Variants in BRINP2 observed in about 807,000 individuals in gnomAD.
The protein encoded by BRINP2 is BMP/retinoic acid inducible neural specific 2, also known as BMP/retinoic acid-inducible neural-specific protein 2.
A neutral mutation model predicts 69.2 loss-of-function variants in BRINP2; 21 were observed. The observed-to-expected ratio is 0.30, with a 90% CI of 0.22 to 0.44. The LOEUF is 0.44. BRINP2 is among the 20% of genes least tolerant of loss of function. The pLI is 1.00. For missense variants in BRINP2, 877 were observed against 986.0 expected (o/e 0.89, Z 1.48); for synonymous variants, 380 against 394.1 (o/e 0.96, Z 0.42).
chr1:177,253,999 G>C (rs1435976955), intron 2 of BRINP2, among the ~76,000 whole-genome samples: 1 of 152,030 alleles, frequency 6.6e-6, no homozygotes, highest in Non-Finnish European at 1.5e-5. Flanking sequence ...AGTGGAGCTG[G>C]TTCTTACCAG....
At chr1:177,179,993 T>C (rs1411022749) in intron 1 of BRINP2, among the ~76,000 whole-genome samples, 1 of 152,156 alleles carries the variant, frequency 6.6e-6, no homozygotes, top group Non-Finnish European at 1.5e-5. Flanking sequence ...ATCTATACCT[T>C]CTGAATGAAT....
chr1:177,271,408 T>C (rs769483351), intron 4 of BRINP2, among the ~76,000 whole-genome samples: 6 of 152,214 alleles, frequency 3.9e-5, no homozygotes, highest in Non-Finnish European at 7.3e-5. Context: ...AGTGATGGCA[T>C]GTAAAGGGTT....
intron 7 of BRINP2, among the ~76,000 whole-genome samples, chr1:177,279,246 G>A (rs981481538): frequency 1.3e-5 from 2 of 152,154 alleles, no homozygotes; most frequent in East Asian, 3.8e-4. Flanking sequence ...GTATCCACTT[G>A]TTCATCCACT....
chr1:177,237,458 T>C (rs765132940), intron 2 of BRINP2, among the ~76,000 whole-genome samples: 8 of 152,216 alleles, frequency 5.3e-5, no homozygotes, highest in African/African-American at 1.4e-4. Context: ...GAATGAATTC[T>C]TAGGATGCCA....
intron 4 of BRINP2, among the ~76,000 whole-genome samples, chr1:177,269,104 C>T (rs889734303): frequency 3.9e-5 from 6 of 152,206 alleles, no homozygotes; most frequent in Non-Finnish European, 5.9e-5. Flanking sequence ...TACTCCTCCC[C>T]TGCAGCCCCC....
chr1:177,188,015 T>A (rs1296553265), intron 1 of BRINP2, among the ~76,000 whole-genome samples: 1 of 152,216 alleles, frequency 6.6e-6, no homozygotes. Flanking sequence ...TCAATAGAGA[T>A]AATATCTATC....
intron 1 of BRINP2, among the ~76,000 whole-genome samples, chr1:177,188,724 G>A (rs1472495699): frequency 6.6e-6 from 1 of 152,042 alleles, no homozygotes. Flanking sequence ...TAGGCTTCTT[G>A]AGAGCTGAGA....
intron 4 of BRINP2, among the ~76,000 whole-genome samples, chr1:177,266,746 G>A (rs1651138179): frequency 6.9e-6 from 1 of 144,504 alleles, no homozygotes; most frequent in Admixed American, 6.9e-5. Context: ...GGGAACAGTG[G>A]GAGACTCACT....
intron 1 of BRINP2, among the ~76,000 whole-genome samples, chr1:177,207,195 T>C (rs1649090604): frequency 6.6e-6 from 1 of 152,150 alleles, no homozygotes; most frequent in Admixed American, 6.5e-5. Flanking sequence ...GGTTATTGAT[T>C]TACTAATGGC....
intron 4 of BRINP2, among the ~76,000 whole-genome samples, chr1:177,263,395 C>T (rs1277667512): frequency 6.6e-6 from 1 of 152,126 alleles, no homozygotes; most frequent in African/African-American, 2.4e-5. Context: ...GTGGTTCTGG[C>T]TTCAAAGGAG....
In BRINP2 at chr1:177,171,042, C is replaced by A. The variant is rs1225621607; in HGVS notation, c.-767C>A. Among the ~76,000 whole-genome samples, 1 of 152,248 alleles carries A rather than the reference C, an allele frequency of 6.6e-6. No homozygotes were observed. The highest frequency in any genetic ancestry group is 1.5e-5 in the Non-Finnish European group (1 of 68,040). ...GCTGCAGCTCTGGGATGCAATCCGC[C>A]TGCCTCGCAAGCTGCTCGCCGCTGC... On this transcript the variant is annotated 5_prime_UTR_variant, in exon 1 of 8. It adds an upstream start codon to the 5' untranslated region. Coordinates refer to ENST00000361539, the MANE Select transcript of BRINP2 (RefSeq NM_021165.4).
chr1:177,208,523 A>G (rs1649127113), intron 1 of BRINP2, among the ~76,000 whole-genome samples: 2 of 152,208 alleles, frequency 1.3e-5, no homozygotes, highest in Admixed American at 1.3e-4. Flanking sequence ...ACTGCCCTTC[A>G]GAGAAATGCA....
chr1:177,187,231 C>T lies in BRINP2; in HGVS notation c.-77+15499C>T, dbSNP rs575182011. Among the ~76,000 whole-genome samples the T allele has an allele frequency of 2.0e-5, 3 of 152,202 alleles. No individual in the cohort carries two copies. In the East Asian group the frequency reaches 5.8e-4, roughly 29 times the overall value. ...GTTTCCTGCCCTAGCATATTGTGCCCCCCTAACCCTCACCCTGCCACACCT... is the reference window on the plus strand; with the variant it reads ...GTTTCCTGCCCTAGCATATTGTGCCTCCCTAACCCTCACCCTGCCACACCT... On this transcript the variant is annotated intron_variant, in intron 1 of 7. Coordinates refer to ENST00000361539, the MANE Select transcript of BRINP2 (RefSeq NM_021165.4).
At chr1:177,243,434 A>G (rs1031733962) in intron 2 of BRINP2, among the ~76,000 whole-genome samples, 2 of 152,202 alleles carry the variant, frequency 1.3e-5, no homozygotes, top group African/African-American at 4.8e-5. Flanking sequence ...CAAGGCCTCA[A>G]GACCAAAACC....
chr1:177,194,775 A>ATG (rs141397930), intron 1 of BRINP2, among the ~76,000 whole-genome samples: 3,983 of 150,736 alleles, frequency 0.026, 56 homozygotes, highest in African/African-American at 0.046. Flanking sequence ...GTGTGTGTGT[A>ATG]TGTGTGTGTG....
rs758258007 is a variant in BRINP2 at position 177,280,630 on chromosome 1, T to G, written c.1454T>G (p.Val485Gly). The G allele has an allele frequency of 2.5e-6, 4 of 1,614,186 alleles. 1 individual carries two copies. In the South Asian group the frequency reaches 4.4e-5, roughly 18 times the overall value. ...TRCGSCNPGY[V>G]LAQGLCRPEV... The stretch of plus-strand genomic sequence containing the variant: ...TGTGGGAGCTGCAACCCGGGCTATG[T>G]GCTGGCCCAGGGGCTGTGCCGGCCA... Residue 485 changes from valine (V) to glycine (G), a missense_variant, in exon 8 of 8, where the codon GTG (valine) becomes GGG (glycine). This residue lies in a region of BRINP2 where 566 missense variants were observed against 625.2 expected (regional missense o/e 0.91). Coordinates refer to ENST00000361539, the MANE Select transcript of BRINP2 (RefSeq NM_021165.4).
At chr1:177,224,045 G>A (rs1219267916) in intron 1 of BRINP2, among the ~76,000 whole-genome samples, 2 of 152,188 alleles carry the variant, frequency 1.3e-5, no homozygotes, top group Non-Finnish European at 2.9e-5. Context: ...AAAAGCCACA[G>A]ATCTGAGCTG....
chr1:177,265,330 A>T (rs569495094), intron 4 of BRINP2, among the ~76,000 whole-genome samples: 1 of 152,340 alleles, frequency 6.6e-6, no homozygotes, highest in South Asian at 2.1e-4. Flanking sequence ...GACTTAAACC[A>T]TAAAAACCAT....
At position 177,280,993 on chromosome 1, in the gene BRINP2, A is replaced by G. The variant is rs1213756197; in HGVS notation, c.1817A>G (p.Asn606Ser). ...TCTGAGAGCTGGTTCATGCCTGTGA[A>G]TGAGGGCAGCTTTCCTGACTGGGAA... ...SHSESWFMPV[N>S]EGSFPDWERT... Residue 606 changes from asparagine to serine, a missense_variant, in exon 8 of 8, where the codon AAT (asparagine) becomes AGT (serine). Physicochemically the swap from Asn to Ser is conservative, Grantham distance 46. Transcript: ENST00000361539. 6.2e-7 allele frequency: 1 copy of G among 1,614,188 alleles called. No individual in the cohort carries two copies. Among genetic ancestry groups the G allele is most frequent in the Non-Finnish European group, 8.5e-7 (1 of 1,180,020 alleles).
Sources: allele counts gnomAD v4.1 joint callset (sites outside exome capture counted in the v4.1 genomes callset), GRCh38; gene constraint gnomAD v4.1.1; regional missense constraint gnomAD v4.1.1; transcripts MANE v1.5; gene names NCBI Gene and HGNC (gene_info 2026-07-23, HGNC 2026-07-21).